COL11A1: variants seen among roughly 807,000 people sequenced by gnomAD.
The protein encoded by COL11A1 is collagen type XI alpha 1 chain, also known as collagen alpha-1(XI) chain.
Under a neutral mutation model 265.2 loss-of-function variants are expected in COL11A1, and 74 were observed. That is an observed-to-expected ratio of 0.28 (90% CI 0.23 to 0.34). COL11A1 has a LOEUF of 0.34. COL11A1 is among the 10% of genes least tolerant of loss of function. The pLI is 1.00. For missense variants in COL11A1, 2,165 were observed against 2,263.6 expected (o/e 0.96, Z 0.88); for synonymous variants, 816 against 727.6 (o/e 1.12, Z -1.96).
chr1:102,982,696 C>T (rs1005892527), intron 31 of COL11A1, among the ~76,000 whole-genome samples: 14 of 151,976 alleles, frequency 9.2e-5, no homozygotes, highest in African/African-American at 3.1e-4. Flanking sequence ...TCCCCTGCTA[C>T]TCAAGGAAGT....
chr1:102,940,465 TAC>T, intron 42 of COL11A1, 31 bp from the exon 43 acceptor site: 1 of 1,549,680 alleles, frequency 6.5e-7, no homozygotes, highest in Non-Finnish European at 8.9e-7. Context: ...TCATTAATTT[TAC>T]AGTTTTGAAG....
chr1:102,928,153 G>C (rs1438186604), intron 46 of COL11A1, among the ~76,000 whole-genome samples: 1 of 151,872 alleles, frequency 6.6e-6, no homozygotes, highest in Non-Finnish European at 1.5e-5. Flanking sequence ...ACATTGTGCA[G>C]GTTAGTTACA....
At chr1:103,024,832 G>C (rs902871586) in intron 7 of COL11A1, among the ~76,000 whole-genome samples, 12 of 151,814 alleles carry the variant, frequency 7.9e-5, no homozygotes, top group African/African-American at 2.9e-4. Context: ...TTCATTTCCT[G>C]ATAAAATTAT....
intron 49 of COL11A1, among the ~76,000 whole-genome samples, chr1:102,918,564 A>G (rs891590520): frequency 2.8e-4 from 40 of 143,030 alleles, no homozygotes; most frequent in African/African-American, 9.8e-4. Flanking sequence ...ACTATTCTTG[A>G]TTAAAAAACA....
chr1:102,921,643 T>G, intron 47 of COL11A1, 72 bp from the exon 48 acceptor site: 1 of 1,277,350 alleles, frequency 7.8e-7, no homozygotes, highest in Non-Finnish European at 1.1e-6. Context: ...ATTTTATGAC[T>G]GAAAAATCTA....
At chr1:103,088,841 C>T (rs1444233804) in intron 1 of COL11A1, among the ~76,000 whole-genome samples, 2 of 152,160 alleles carry the variant, frequency 1.3e-5, no homozygotes, top group Non-Finnish European at 2.9e-5. Flanking sequence ...GACATGGACA[C>T]GGAGAAAATT....
Position 103,021,772 on chromosome 1 carries a change from G to T in COL11A1, c.1246-3C>A. ...CCATATGCACCATGGCCATTTATCT[G>T]TTGAATGAAATATTCAAAACAGCCT... On this transcript the variant is annotated splice_polypyrimidine_tract_variant and splice_region_variant and intron_variant, in intron 8 of 66. Coordinates refer to ENST00000370096, the MANE Select transcript of COL11A1 (RefSeq NM_001854.4). 1 of 1,603,062 alleles carries T rather than the reference G, an allele frequency of 6.2e-7. No homozygotes were observed. The highest frequency in any genetic ancestry group is 8.5e-7 in the Non-Finnish European group (1 of 1,170,304).
chr1:103,072,750 T>C (rs994473151), intron 4 of COL11A1, among the ~76,000 whole-genome samples: 6 of 151,756 alleles, frequency 4.0e-5, no homozygotes, highest in Non-Finnish European at 8.9e-5. Flanking sequence ...AAATTGTTTT[T>C]GAAATTTCAT....
At chr1:102,963,337 C>G (rs1661098167) in intron 38 of COL11A1, among the ~76,000 whole-genome samples, 1 of 152,156 alleles carries the variant, frequency 6.6e-6, no homozygotes, top group Non-Finnish European at 1.5e-5. Flanking sequence ...TATGGGTCAG[C>G]AGTTCCTCTC....
rs552263972 is a variant in COL11A1, at chr1:102,946,234, G to A, written c.3276+615C>T. On this transcript the variant is annotated intron_variant, in intron 42 of 66. Coordinates refer to ENST00000370096, the MANE Select transcript of COL11A1 (RefSeq NM_001854.4). ...GGAGATATACCTAATGCTAAATGAC[G>A]AGTTAATGGGTGCAGCACACCAGCA... is the stretch of plus-strand genomic sequence containing the variant. Among the ~76,000 whole-genome samples the A allele has an allele frequency of 7.2e-4, 105 of 146,842 alleles. 1 individual carries two copies. The highest frequency in any genetic ancestry group is 2.3e-3 in the African/African-American group (92 of 39,972).
At chr1:103,083,028 A>G in intron 1 of COL11A1, 56 bp from the exon 2 acceptor site, 1 of 1,530,796 alleles carries the variant, frequency 6.5e-7, no homozygotes, top group Non-Finnish European at 9.0e-7. Flanking sequence ...TGATATAACA[A>G]TGAGTATTTT....
intron 49 of COL11A1, among the ~76,000 whole-genome samples, chr1:102,918,671 G>A (rs1655635229): frequency 1.3e-5 from 2 of 151,934 alleles, no homozygotes; most frequent in Non-Finnish European, 2.9e-5. Context: ...AAAGAAAGGA[G>A]CAAAATTAAA....
chr1:102,918,654 A>G (rs927971576), intron 49 of COL11A1, among the ~76,000 whole-genome samples: 2 of 152,176 alleles, frequency 1.3e-5, no homozygotes, highest in African/African-American at 4.8e-5. Flanking sequence ...CACATAAAAA[A>G]AAATCAAAAG....
intron 1 of COL11A1, chr1:103,100,689 A>G (rs904850364): frequency 3.3e-5 from 5 of 151,998 alleles, no homozygotes; most frequent in East Asian, 1.9e-4. Context: ...TAATAATAAG[A>G]TAAGCCTAGG....
At chr1:103,099,702 A>AT (rs1674086022) in intron 1 of COL11A1, among the ~76,000 whole-genome samples, 1 of 151,840 alleles carries the variant, frequency 6.6e-6, no homozygotes, top group Non-Finnish European at 1.5e-5. Flanking sequence ...ATACCACTAC[A>AT]TATCTTAAGG....
At chr1:102,888,327 A>C in intron 62 of COL11A1, among the ~76,000 whole-genome samples, 1 of 152,206 alleles carries the variant, frequency 6.6e-6, no homozygotes, top group Non-Finnish European at 1.5e-5. Context: ...AAAATAGTAT[A>C]TGATTCTCTT....
intron 46 of COL11A1, among the ~76,000 whole-genome samples, chr1:102,932,090 A>G (rs1389604493): frequency 2.0e-5 from 3 of 150,840 alleles, no homozygotes; most frequent in African/African-American, 4.9e-5. Flanking sequence ...TAGTCCATTT[A>G]CATTTAAAGT....
chr1:102,963,570 A>T (rs1570883674), intron 38 of COL11A1, among the ~76,000 whole-genome samples: 1 of 152,302 alleles, frequency 6.6e-6, no homozygotes, highest in South Asian at 2.1e-4. Flanking sequence ...TTAGATGCTA[A>T]GGTTGTTAAA....
rs775187305 is a variant in COL11A1, at chr1:102,898,078, G to A, written c.4302+47C>T. On this transcript the variant is annotated intron_variant, in intron 57 of 66. Transcript: ENST00000370096. The stretch of plus-strand genomic sequence containing the variant: ...AAAATTCTAGCTAATAAACAATTTT[G>A]TTTTAGAAATTCTCACTTTTTAAAT... The A allele has an allele frequency of 4.6e-6, 6 of 1,293,146 alleles. No individual in the cohort carries two copies. In the East Asian group the frequency reaches 1.3e-4, roughly 27 times the overall value. The allele number at this position is 1,293,146 out of a possible 1,614,324, so 80.1% of individuals were successfully genotyped here. A position where few individuals can be genotyped will look rare whatever the true frequency, so the allele number is the denominator to read the frequency against.
Sources: allele counts gnomAD v4.1 joint callset (sites outside exome capture counted in the v4.1 genomes callset), GRCh38; gene constraint gnomAD v4.1.1; transcripts MANE v1.5; gene names NCBI Gene and HGNC (gene_info 2026-07-23, HGNC 2026-07-21).